SGCZ: variants seen among roughly 807,000 people sequenced by gnomAD.
SGCZ encodes zeta-sarcoglycan.
Under a neutral mutation model 41.3 loss-of-function variants are expected in SGCZ, and 40 were observed. That is an observed-to-expected ratio of 0.97 (90% confidence interval 0.75 to 1.26). SGCZ has a LOEUF of 1.26. Ranked by LOEUF, SGCZ falls within the 50% of genes most tolerant of loss-of-function variation. SGCZ has a pLI of 0.00. For synonymous variants in SGCZ, 206 were observed against 137.5 expected (o/e 1.50, Z -3.49); for missense variants, 552 against 369.8 (o/e 1.49, Z -4.04).
intron 3 of SGCZ, among the ~76,000 whole-genome samples, chr8:14,257,243 C>T (rs923777309): frequency 2.6e-5 from 4 of 151,916 alleles, no homozygotes; most frequent in Non-Finnish European, 5.9e-5. Flanking sequence ...GGGAGGATCA[C>T]TTGCTTGATC....
intron 1 of SGCZ, among the ~76,000 whole-genome samples, chr8:15,099,264 T>C (rs970457793): frequency 1.3e-5 from 2 of 152,080 alleles, no homozygotes; most frequent in Non-Finnish European, 2.9e-5. Flanking sequence ...CAACCAAATA[T>C]ATATGTAAAA....
At chr8:14,230,487 C>G (rs1468609462) in intron 4 of SGCZ, among the ~76,000 whole-genome samples, 1 of 152,078 alleles carries the variant, frequency 6.6e-6, no homozygotes, top group Non-Finnish European at 1.5e-5. Context: ...GAGTAATGTA[C>G]ATAAGGTCAC....
intron 4 of SGCZ, among the ~76,000 whole-genome samples, chr8:14,194,704 T>C (rs145506103): frequency 2.2e-4 from 33 of 152,088 alleles, no homozygotes; most frequent in African/African-American, 7.0e-4. Context: ...TTTCAAGACA[T>C]TGAACATCAG....
chr8:14,356,548 A>T (rs1381641946), intron 2 of SGCZ, among the ~76,000 whole-genome samples: 1 of 152,162 alleles, frequency 6.6e-6, no homozygotes, highest in Non-Finnish European at 1.5e-5. Flanking sequence ...AAAATGTGTG[A>T]TATAAAAAGT....
chr8:14,316,629 G>C (rs183338506), intron 3 of SGCZ, among the ~76,000 whole-genome samples: 64 of 151,860 alleles, frequency 4.2e-4, no homozygotes, highest in Middle Eastern at 6.8e-3. Flanking sequence ...CTCTTTCCAG[G>C]ATATCATATT....
chr8:14,222,393 C>G (rs34473759), intron 4 of SGCZ, among the ~76,000 whole-genome samples: 36,202 of 151,848 alleles, frequency 0.24, 5,534 homozygotes, highest in Non-Finnish European at 0.34. Context: ...TGGTCTTGAG[C>G]TCCTGACCTT....
At chr8:14,946,905 A>T (rs975138358) in intron 1 of SGCZ, among the ~76,000 whole-genome samples, 1 of 151,842 alleles carries the variant, frequency 6.6e-6, no homozygotes, top group African/African-American at 2.4e-5. Flanking sequence ...CGAACTCCTG[A>T]CCTCATGATC....
intron 2 of SGCZ, among the ~76,000 whole-genome samples, chr8:14,428,345 G>A (rs954215038): frequency 6.6e-6 from 1 of 151,586 alleles, no homozygotes; most frequent in African/African-American, 2.4e-5. Flanking sequence ...TTTTTCAATT[G>A]CTTTTCAACT....
chr8:14,646,932 G>C (rs1644211298), intron 1 of SGCZ, among the ~76,000 whole-genome samples: 2 of 151,884 alleles, frequency 1.3e-5, no homozygotes, highest in Non-Finnish European at 2.9e-5. Context: ...CTTCTTTTAA[G>C]ACTCTAGCTC....
chr8:14,790,817 G>A (rs1025862804), intron 1 of SGCZ, among the ~76,000 whole-genome samples: 2 of 152,088 alleles, frequency 1.3e-5, no homozygotes, highest in Admixed American at 1.3e-4. Flanking sequence ...GATTACCTGA[G>A]GTCAGGAGTT....
At chr8:14,803,922 C>A (rs1801432685) in intron 1 of SGCZ, among the ~76,000 whole-genome samples, 1 of 86,780 alleles carries the variant, frequency 1.2e-5, no homozygotes, top group Admixed American at 1.1e-4. Flanking sequence ...TTGCTGACCC[C>A]TGACCCCCGA....
intron 2 of SGCZ, among the ~76,000 whole-genome samples, chr8:14,338,061 T>C (rs1314597080): frequency 6.6e-6 from 1 of 152,176 alleles, no homozygotes; most frequent in Non-Finnish European, 1.5e-5. Flanking sequence ...ATATCAAGGA[T>C]GGATGCACAG....
At chr8:14,566,161 T>C (rs909422521) in intron 1 of SGCZ, among the ~76,000 whole-genome samples, 1 of 152,218 alleles carries the variant, frequency 6.6e-6, no homozygotes, top group Non-Finnish European at 1.5e-5. Flanking sequence ...AAGTGTTTAA[T>C]CAGAATATTA....
intron 4 of SGCZ, among the ~76,000 whole-genome samples, chr8:14,225,293 G>A (rs1585250803): frequency 1.3e-5 from 2 of 152,122 alleles, no homozygotes; most frequent in African/African-American, 2.4e-5. Context: ...ATGATCTGCT[G>A]TTTATGTGTG....
intron 1 of SGCZ, among the ~76,000 whole-genome samples, chr8:15,179,147 G>A (rs779051565): frequency 8.5e-5 from 13 of 152,058 alleles, no homozygotes; most frequent in Non-Finnish European, 1.8e-4. Context: ...ATAGTCTAGA[G>A]ATATCAATTA....
At chr8:14,591,081 A>T (rs916899520) in intron 1 of SGCZ, among the ~76,000 whole-genome samples, 1 of 151,572 alleles carries the variant, frequency 6.6e-6, no homozygotes, top group African/African-American at 2.4e-5. Context: ...TAAATGAGAA[A>T]CAGGACAAGA....
At chr8:14,843,257 T>G (rs1489973587) in intron 1 of SGCZ, among the ~76,000 whole-genome samples, 1 of 152,122 alleles carries the variant, frequency 6.6e-6, no homozygotes, top group Admixed American at 6.5e-5. Flanking sequence ...ATAGATATTT[T>G]ATTTGCAACA....
chr8:14,986,226 T>A (rs762354378), intron 1 of SGCZ, among the ~76,000 whole-genome samples: 1 of 152,152 alleles, frequency 6.6e-6, no homozygotes, highest in Non-Finnish European at 1.5e-5. Context: ...ATGAACAATA[T>A]ATACATGTAC....
chr8:14,409,486 C>G (rs932027965), intron 2 of SGCZ, among the ~76,000 whole-genome samples: 1 of 151,850 alleles, frequency 6.6e-6, no homozygotes, highest in East Asian at 1.9e-4. Context: ...AAAAAAAAAT[C>G]AGAATATTCA....
Sources: gnomAD v4.1 joint callset for allele counts (sites outside exome capture counted in the v4.1 genomes callset) on GRCh38, gnomAD v4.1.1 for gene constraint, MANE v1.5 for transcripts, NCBI Gene and HGNC (gene_info 2026-07-23, HGNC 2026-07-21) for gene names.